ADSL: variants seen among roughly 807,000 people sequenced by gnomAD.
ADSL encodes the protein adenylosuccinate lyase.
A neutral mutation model predicts 62.1 loss-of-function variants in ADSL; 44 were observed. The observed-to-expected ratio is 0.71, with a 90% CI of 0.56 to 0.91. The LOEUF (loss-of-function observed/expected upper bound fraction) is 0.91, where lower values mean the gene tolerates loss of function less well. Ranked by LOEUF, ADSL falls within the 40% of genes least tolerant of loss-of-function variation. ADSL has a pLI of 0.00. For missense variants in ADSL, 531 were observed against 627.4 expected, an observed-to-expected ratio of 0.85 and a Z score of 1.64; for synonymous variants, 198 against 220.5, an observed-to-expected ratio of 0.90 and a Z score of 0.90.
downstream of ADSL, among the ~76,000 whole-genome samples, chr22:40,369,911 G>A (rs1288653137): frequency 6.6e-6 from 1 of 152,156 alleles, no homozygotes; most frequent in Non-Finnish European, 1.5e-5. Flanking sequence ...AGAGCCTGAT[G>A]TTTGTAAACA....
At chr22:40,365,854 A>G (rs557164229) in intron 12 of ADSL, among the ~76,000 whole-genome samples, 4 of 152,116 alleles carry the variant, frequency 2.6e-5, no homozygotes, top group Admixed American at 1.3e-4. Context: ...GGGTGACAAA[A>G]TGAGATCCTG....
At chr22:40,370,354 CAAAAAAAA>C (rs11328048), downstream of ADSL, among the ~76,000 whole-genome samples, 4 of 86,402 alleles carry the variant, frequency 4.6e-5, no homozygotes, top group African/African-American at 1.3e-4. Context: ...GACTCCATCT[CAAAAAAAA>C]AAAAAAAAAA....
chr22:40,383,492 G>C (rs2047928364), intron 2 of ADSL, among the ~76,000 whole-genome samples: 1 of 150,982 alleles, frequency 6.6e-6, no homozygotes, highest in South Asian at 2.1e-4. Context: ...AAGTCAGTAG[G>C]AACAAGTAAA....
chr22:40,364,979 G>A lies in ADSL; in HGVS notation c.1291G>A (p.Ala431Thr), dbSNP rs200814886. Residue 431 changes from alanine to threonine, a missense_variant, in exon 12 of 13, where the codon GCC becomes ACC. By Grantham distance (58) the Ala-to-Thr change is moderately conservative. Coordinates refer to ENST00000623063, the MANE Select transcript of ADSL (RefSeq NM_000026.4). ...CCTCATAGAGCGTATCCAGGTTGAT[G>A]CCTACTTCAGTCCCATTCACTCCCA... ...NDLIERIQVD[A>T]YFSPIHSQLD... 103 of 1,613,976 alleles carry A rather than the reference G, an allele frequency of 6.4e-5. No homozygotes were observed. Among genetic ancestry groups the A allele is most frequent in the African/African-American group, 2.7e-5 (2 of 74,932 alleles).
At chr22:40,374,097 C>T (rs1168030994), downstream of ADSL, among the ~76,000 whole-genome samples, 3 of 151,998 alleles carry the variant, frequency 2.0e-5, no homozygotes, top group Non-Finnish European at 2.9e-5. Context: ...GGACTACAGG[C>T]GCCTGCCACC....
intron 1 of ADSL, chr22:40,347,174 G>A (rs1240100208): frequency 1.2e-5 from 2 of 171,996 alleles, no homozygotes; most frequent in Admixed American, 5.6e-5. Context: ...AGCCCATCCA[G>A]CTATTAAGAA....
rs569312201 is a variant in ADSL at position 40,348,759 on chromosome 22, A to G, written c.154-1073A>G. 1.6e-3 allele frequency: 619 copies of G among 395,102 alleles called. 2 individuals carry two copies. Among genetic ancestry groups the G allele is most frequent in the Non-Finnish European group, 2.0e-3 (446 of 224,562 alleles). The allele number at this position is 395,102 out of a possible 1,614,324, so 24.5% of individuals were successfully genotyped here. ...CTGGCTAGTAGCTCCTTTCTTGGATAAAAAAGATCTAAGATGCAAGATCCT... is the reference window on the plus strand; with the variant it reads ...CTGGCTAGTAGCTCCTTTCTTGGATGAAAAAGATCTAAGATGCAAGATCCT... On this transcript the variant is annotated intron_variant, in intron 1 of 12. Coordinates refer to ENST00000623063, the MANE Select transcript of ADSL (RefSeq NM_000026.4).
chr22:40,354,442 A>G, intron 4 of ADSL, 115 bp downstream of exon 4: 1 of 870,502 alleles, frequency 1.1e-6, no homozygotes, highest in South Asian at 1.3e-5. Flanking sequence ...ATTTAAATAT[A>G]AGTAATTTGG....
At chr22:40,363,938 G>A (rs755683803) in intron 10 of ADSL, among the ~76,000 whole-genome samples, 1 of 152,028 alleles carries the variant, frequency 6.6e-6, no homozygotes, top group Non-Finnish European at 1.5e-5. Context: ...TTATCTGGAC[G>A]TGGTGGCGGG....
chr22:40,382,496 A>G (rs951746302), intron 2 of ADSL, among the ~76,000 whole-genome samples: 1 of 152,136 alleles, frequency 6.6e-6, no homozygotes, highest in African/African-American at 2.4e-5. Flanking sequence ...TGACCTCTCC[A>G]TGTTACCTTA....
chr22:40,371,369 C>G (rs2045434369), downstream of ADSL, among the ~76,000 whole-genome samples: 1 of 152,214 alleles, frequency 6.6e-6, no homozygotes, highest in South Asian at 2.1e-4. Flanking sequence ...ATCTTCCAGT[C>G]TCACGCTGCA....
intron 2 of ADSL, chr22:40,379,474 A>T (rs190748564): frequency 6.6e-6 from 1 of 152,302 alleles, no homozygotes; most frequent in Non-Finnish European, 1.5e-5. Context: ...TCCCTGTGTA[A>T]CACAGCTAGT....
At chr22:40,352,936 TG>T in intron 2 of ADSL, 136 bp from the exon 3 acceptor site, 1 of 706,476 alleles carries the variant, frequency 1.4e-6, no homozygotes, top group Non-Finnish European at 2.6e-6. Context: ...TAGTATTTTC[TG>T]GCGTGCTTAG....
At chr22:40,353,910 G>A (rs1294648414) in intron 3 of ADSL, 1 of 385,508 alleles carries the variant, frequency 2.6e-6, no homozygotes, top group Non-Finnish European at 4.9e-6. Flanking sequence ...ACAGGCATGA[G>A]CCACCGCGCC....
At chr22:40,384,215 T>C (rs932372069) in intron 2 of ADSL, among the ~76,000 whole-genome samples, 3 of 151,728 alleles carry the variant, frequency 2.0e-5, no homozygotes, top group African/African-American at 7.3e-5. Context: ...CTGCACTCAA[T>C]TTGGGCAACA....
intron 6 of ADSL, 49 bp downstream of exon 6, chr22:40,359,355 CTATATTCAGTA>C (rs2044681326): frequency 1.3e-6 from 2 of 1,577,076 alleles, no homozygotes; most frequent in East Asian, 4.5e-5. Flanking sequence ...GATGGAAGTC[CTATATTCAGTA>C]TACCTGCAGA....
intron 2 of ADSL, chr22:40,350,351 C>CGTGA: frequency 1.0e-5 from 3 of 298,490 alleles, no homozygotes; most frequent in South Asian, 9.8e-5. Flanking sequence ...TGGTCTCTAT[C>CGTGA]TCCTGACCTC....
At chr22:40,381,922 T>C (rs1408892317) in intron 2 of ADSL, among the ~76,000 whole-genome samples, 1 of 152,210 alleles carries the variant, frequency 6.6e-6, no homozygotes, top group African/African-American at 2.4e-5. Context: ...TTCGCGCCAC[T>C]GCACTCCAGC....
At chr22:40,383,174 G>A (rs181242480) in intron 2 of ADSL, among the ~76,000 whole-genome samples, 95 of 152,274 alleles carry the variant, frequency 6.2e-4, no homozygotes, top group Non-Finnish European at 3.8e-4. Flanking sequence ...TGAGATAGAA[G>A]TCAGTAGGAA....
Sources: allele counts gnomAD v4.1 joint callset (sites outside exome capture counted in the v4.1 genomes callset), GRCh38; gene constraint gnomAD v4.1.1; transcripts MANE v1.5; gene names NCBI Gene and HGNC (gene_info 2026-07-23, HGNC 2026-07-21).